Variants in TMEM120B observed in about 807,000 individuals in gnomAD.
The protein encoded by TMEM120B is transmembrane protein 120B.
In TMEM120B, 31 loss-of-function variants were observed where a neutral mutation model predicts 55.5. That is an observed-to-expected ratio of 0.56 (90% CI 0.42 to 0.75). The LOEUF is 0.75. TMEM120B is among the 30% of genes least tolerant of loss of function. TMEM120B has a pLI of 0.00. For synonymous variants in TMEM120B, 203 were observed against 176.3 expected (o/e 1.15, Z -1.20); for missense variants, 399 against 425.5 (o/e 0.94, Z 0.55).
In TMEM120B at chr12:121,771,539, C is replaced by T; in HGVS notation, c.669C>T (p.Ser223=). The T allele has an allele frequency of 6.2e-7, 1 of 1,614,030 alleles. No individual in the cohort carries two copies. The highest frequency in any genetic ancestry group is 8.5e-7 in the Non-Finnish European group (1 of 1,179,948). The stretch of plus-strand genomic sequence containing the variant: ...TTCGCAACCAGTTCTTAGCATTTTC[C>T]ATTTTTCAGAGTGAGTGACTGTTGC... ...QKFRNQFLAF[S]IFQSCVQFLQ... The change falls in exon 8 of 12, where the codon TCC becomes TCT. Residue 223 remains serine (S), a synonymous_variant. Transcript: ENST00000449592.
rs71453575 is a variant in TMEM120B at position 121,776,801 on chromosome 12, C to CT, written c.*1092dup. 2,675 of 147,276 alleles carry CT rather than the reference C, an allele frequency of 0.018. 24 individuals are homozygous for CT. The highest frequency in any genetic ancestry group is 0.029 in the Non-Finnish European group (1,905 of 66,418). 9.1% of individuals were successfully genotyped at this position (147,276 alleles called of 1,614,324 possible). A position where few individuals can be genotyped will look rare whatever the true frequency, so the allele number is the denominator to read the frequency against. Reference sequence around the variant, plus strand: ...CAAGGAATTTTAAAATTTTTAATTACTTTTTTTTTTTTTGAGACAGGGTCT... The same window carrying CT: ...CAAGGAATTTTAAAATTTTTAATTACTTTTTTTTTTTTTTGAGACAGGGTCT... On this transcript the variant is annotated 3_prime_UTR_variant, in exon 12 of 12. Coordinates refer to ENST00000449592, the MANE Select transcript of TMEM120B (RefSeq NM_001080825.2).
At position 121,771,545 on chromosome 12, in the gene TMEM120B, T is replaced by C; in HGVS notation, c.675T>C (p.Phe225=). 4 of 1,613,970 alleles carry C rather than the reference T, an allele frequency of 2.5e-6. No homozygotes were observed. The highest frequency in any genetic ancestry group is 3.4e-6 in the Non-Finnish European group (4 of 1,179,858). The change falls in exon 8 of 12, where the codon TTT becomes TTC. Residue 225 remains phenylalanine (F), a synonymous_variant. Coordinates refer to ENST00000449592, the MANE Select transcript of TMEM120B (RefSeq NM_001080825.2). ...ACCAGTTCTTAGCATTTTCCATTTT[T>C]CAGAGTGAGTGACTGTTGCCTGGAT... is the stretch of plus-strand genomic sequence containing the variant. ...FRNQFLAFSI[F]QSCVQFLQYY... is the part of the protein sequence containing the mutation.
chr12:121,748,465 C>T (rs746230493), intron 3 of TMEM120B, 23 bp downstream of exon 3: 111 of 1,526,510 alleles, frequency 7.3e-5, no homozygotes, highest in Admixed American at 5.2e-4. Flanking sequence ...AACCTCCCCA[C>T]CCCTAGCACA....
At chr12:121,724,278 G>A (rs543042252) in intron 1 of TMEM120B, among the ~76,000 whole-genome samples, 110 of 151,810 alleles carry the variant, frequency 7.2e-4, no homozygotes, top group African/African-American at 2.0e-3. Context: ...TTCGTGATCC[G>A]CCCGCCTCAG....
At chr12:121,719,288 G>T (rs895115803) in intron 1 of TMEM120B, among the ~76,000 whole-genome samples, 1 of 152,096 alleles carries the variant, frequency 6.6e-6, no homozygotes, top group Non-Finnish European at 1.5e-5. Flanking sequence ...GCACCTTTTG[G>T]GGGGCTAATA....
intron 5 of TMEM120B, among the ~76,000 whole-genome samples, chr12:121,756,401 G>C (rs564254102): frequency 6.6e-6 from 1 of 152,320 alleles, no homozygotes; most frequent in African/African-American, 2.4e-5. Context: ...GGGAGGCCAA[G>C]GCAGGAGAAT....
rs774430403 is a variant in TMEM120B, at chr12:121,712,865, C to G, written c.-31C>G. On this transcript the variant is annotated 5_prime_UTR_variant, in exon 1 of 12. Transcript: ENST00000449592. ...GGTCGGGCAGCGCTGCGGGAGCAGC[C>G]GCCGGCACCGCCGCCTTGCACCATC... 1.5e-4 allele frequency: 211 copies of G among 1,449,778 alleles called. No individual in the cohort carries two copies. The highest frequency in any genetic ancestry group is 1.9e-4 in the Non-Finnish European group (209 of 1,100,832). The allele number at this position is 1,449,778 out of a possible 1,614,324, so 89.8% of individuals were successfully genotyped here.
intron 1 of TMEM120B, among the ~76,000 whole-genome samples, chr12:121,721,613 A>G (rs1365733065): frequency 6.6e-6 from 1 of 151,640 alleles, no homozygotes; most frequent in African/African-American, 2.4e-5. Flanking sequence ...CTGGGATTGC[A>G]GGCAGGCACC....
At chr12:121,769,715 CGTGTGTGT>C (rs63639861) in intron 6 of TMEM120B, among the ~76,000 whole-genome samples, 2 of 148,422 alleles carry the variant, frequency 1.3e-5, no homozygotes, top group East Asian at 2.0e-4. Flanking sequence ...AAAGAGAAAA[CGTGTGTGT>C]GTGTGTGTGT....
In TMEM120B at chr12:121,770,589, G is replaced by A. The variant is rs548536009; in HGVS notation, c.552-318G>A. On this transcript the variant is annotated intron_variant, in intron 6 of 11. Transcript: ENST00000449592. ...CAGGAGCCGTGCCTGGAGCGCCCGC[G>A]TGCTGGGGAGAGGACCAGGTGGGGA... Among the ~76,000 whole-genome samples, 18 of 151,920 alleles carry A rather than the reference G, an allele frequency of 1.2e-4. No homozygotes were observed. The South Asian group carries it at 2.1e-3, about 18-fold the overall frequency.
Position 121,779,890 on chromosome 12 carries a change from C to T in TMEM120B, c.*4168C>T, listed in dbSNP as rs1236211340. 4 of 538,832 alleles carry T rather than the reference C, an allele frequency of 7.4e-6. No individual in the cohort carries two copies. Among genetic ancestry groups the T allele is most frequent in the South Asian group, 2.4e-5 (1 of 41,014 alleles). 33.4% of individuals were successfully genotyped at this position (538,832 alleles called of 1,614,324 possible). A position where few individuals can be genotyped will look rare whatever the true frequency, so the allele number is the denominator to read the frequency against. On this transcript the variant is annotated 3_prime_UTR_variant, in exon 12 of 12. Coordinates refer to ENST00000449592, the MANE Select transcript of TMEM120B (RefSeq NM_001080825.2). Reference sequence around the variant, plus strand: ...AGCCCTGTCCAGGCCCCCACCCTGGCCTCTCTCCAGCTCCGGGCAGGGAGG... The same window carrying T: ...AGCCCTGTCCAGGCCCCCACCCTGGTCTCTCTCCAGCTCCGGGCAGGGAGG...
At chr12:121,755,419 G>A (rs923392093) in intron 5 of TMEM120B, among the ~76,000 whole-genome samples, 2 of 152,252 alleles carry the variant, frequency 1.3e-5, no homozygotes, top group Non-Finnish European at 2.9e-5. Flanking sequence ...AGAGTTGGAA[G>A]CCTCCTTCTG....
At chr12:121,738,154 G>C (rs1872812199) in intron 1 of TMEM120B, among the ~76,000 whole-genome samples, 1 of 152,028 alleles carries the variant, frequency 6.6e-6, no homozygotes, top group Non-Finnish European at 1.5e-5. Flanking sequence ...AGCTACTCGG[G>C]AGGCTGAGGC....
chr12:121,750,297 C>A, intron 3 of TMEM120B, 83 bp from the exon 4 acceptor site: 1 of 1,297,908 alleles, frequency 7.7e-7, no homozygotes, highest in Non-Finnish European at 1.1e-6. Flanking sequence ...TTGGGATGTG[C>A]TCATTAAGTG....
chr12:121,755,140 A>T (rs1316600438), intron 5 of TMEM120B, among the ~76,000 whole-genome samples: 1 of 152,226 alleles, frequency 6.6e-6, no homozygotes, highest in Non-Finnish European at 1.5e-5. Flanking sequence ...TCCACAGAGC[A>T]GGATTCTCTT....
intron 1 of TMEM120B, among the ~76,000 whole-genome samples, chr12:121,722,815 G>A (rs1192313612): frequency 6.1e-5 from 9 of 148,538 alleles, no homozygotes; most frequent in Non-Finnish European, 1.0e-4. Flanking sequence ...ATAAGGGGCT[G>A]TTTACAAAGG....
intron 1 of TMEM120B, among the ~76,000 whole-genome samples, chr12:121,740,134 T>C (rs1872890990): frequency 2.0e-5 from 3 of 152,124 alleles, no homozygotes; most frequent in Admixed American, 2.0e-4. Flanking sequence ...TGATAACAGA[T>C]ACAGTTGATT....
chr12:121,712,961 G>C lies in TMEM120B; in HGVS notation c.66G>C (p.Leu22=). Residue 22 remains leucine, a synonymous_variant, in exon 1 of 12, where the codon CTG becomes CTC. Transcript: ENST00000449592. The part of the protein sequence containing the change: ...WHELEGEFQE[L]QETHRIYKQK... ...AGCTGGAGGGAGAATTTCAAGAACT[G>C]CAGGTAGGGCCAGGCCACCTGGTCC... 1 of 1,540,486 alleles carries C rather than the reference G, an allele frequency of 6.5e-7. No individual in the cohort carries two copies. The highest frequency in any genetic ancestry group is 8.7e-7 in the Non-Finnish European group (1 of 1,149,960).
intron 3 of TMEM120B, among the ~76,000 whole-genome samples, chr12:121,749,282 G>A (rs1873201849): frequency 1.3e-5 from 2 of 152,176 alleles, no homozygotes; most frequent in Admixed American, 1.3e-4. Context: ...CCTAGCATTC[G>A]TGACCCTCTT....
Sources: gnomAD v4.1 joint callset for allele counts (sites outside exome capture counted in the v4.1 genomes callset) on GRCh38, gnomAD v4.1.1 for gene constraint, MANE v1.5 for transcripts, NCBI Gene and HGNC (gene_info 2026-07-23, HGNC 2026-07-21) for gene names.